Variants in ZBTB7C observed in about 807,000 individuals in gnomAD.
ZBTB7C encodes zinc finger and BTB domain containing 7C, also known as zinc finger and BTB domain-containing protein 7C.
A neutral mutation model predicts 25.7 loss-of-function variants in ZBTB7C; 8 were observed. The ratio of observed to expected loss-of-function variants is 0.31; its 90% CI spans 0.18 to 0.56. The LOEUF (loss-of-function observed/expected upper bound fraction) is 0.56. Among genes scored for constraint, ZBTB7C ranks in the 20% least tolerant of loss-of-function variants. ZBTB7C has a pLI of 0.91. For missense variants in ZBTB7C, 824 were observed against 855.2 expected, an observed-to-expected ratio of 0.96 and a Z score of 0.46; for synonymous variants, 394 against 369.0, an observed-to-expected ratio of 1.07 and a Z score of -0.78.
At chr18:48,361,366 G>A (rs2047101199) in intron 1 of ZBTB7C, among the ~76,000 whole-genome samples, 1 of 152,198 alleles carries the variant, frequency 6.6e-6, no homozygotes, top group Non-Finnish European at 1.5e-5. Context: ...AGAGAGGGTA[G>A]GTAGCAGCCC....
intron 1 of ZBTB7C, among the ~76,000 whole-genome samples, chr18:48,386,141 TCTGA>T (rs1051498678): frequency 5.9e-4 from 90 of 152,324 alleles, no homozygotes; most frequent in Admixed American, 8.5e-4. Context: ...TAGGCTGAAC[TCTGA>T]CTGTCAAAAA....
At chr18:48,166,522 A>G (rs8092444) in intron 3 of ZBTB7C, among the ~76,000 whole-genome samples, 100,750 of 152,052 alleles carry the variant, frequency 0.66, 33,657 homozygotes, top group Admixed American at 0.73. Context: ...TGGGAGTCCC[A>G]ACATGAGTGA....
intron 2 of ZBTB7C, among the ~76,000 whole-genome samples, chr18:48,199,155 T>C (rs2042380355): frequency 6.6e-6 from 1 of 152,212 alleles, no homozygotes; most frequent in Non-Finnish European, 1.5e-5. Context: ...GAAGGTTCTA[T>C]AACTCTTCTC....
At chr18:48,320,242 C>A (rs1232604488) in intron 2 of ZBTB7C, among the ~76,000 whole-genome samples, 2 of 152,146 alleles carry the variant, frequency 1.3e-5, no homozygotes, top group Non-Finnish European at 2.9e-5. Context: ...TGCGCTAGCA[C>A]AGGGGGTTCA....
intron 1 of ZBTB7C, among the ~76,000 whole-genome samples, chr18:48,364,618 T>C (rs908929631): frequency 6.6e-6 from 1 of 152,178 alleles, no homozygotes; most frequent in African/African-American, 2.4e-5. Flanking sequence ...GATGGGGCTT[T>C]TGCATTTTAA....
At chr18:48,150,286 A>C (rs1391790494) in intron 3 of ZBTB7C, 1 of 152,090 alleles carries the variant, frequency 6.6e-6, no homozygotes. Context: ...TTGGATTTCA[A>C]ATGCAGTAAG....
chr18:48,152,381 C>T (rs4940292), intron 3 of ZBTB7C, among the ~76,000 whole-genome samples: 66,678 of 151,732 alleles, frequency 0.44, 15,495 homozygotes, highest in African/African-American at 0.58. Flanking sequence ...ATAATTTGTT[C>T]GTTGTATGAA....
At chr18:48,257,324 T>C (rs780091418) in intron 2 of ZBTB7C, among the ~76,000 whole-genome samples, 2 of 152,022 alleles carry the variant, frequency 1.3e-5, no homozygotes, top group African/African-American at 2.4e-5. Flanking sequence ...ATATACCCAA[T>C]AACAGAGCTT....
chr18:48,085,821 TCCCTGCCTGGCCAGGGG>T (rs2038170762), intron 3 of ZBTB7C, among the ~76,000 whole-genome samples: 1 of 152,202 alleles, frequency 6.6e-6, no homozygotes, highest in South Asian at 2.1e-4. Context: ...CAGAGACCCC[TCCCTGCCTGGCCAGGGG>T]CCCTGCCTGG....
In ZBTB7C at chr18:48,026,944, G is replaced by A. The variant is rs920396441; in HGVS notation, c.*2316C>T. 6.6e-6 allele frequency: 1 copy of A among 151,688 alleles called. No homozygotes were observed. Among genetic ancestry groups the A allele is most frequent in the East Asian group, 1.9e-4 (1 of 5,174 alleles). 9.4% of individuals were successfully genotyped at this position (151,688 alleles called of 1,614,324 possible). ...AGAAAATTAGCTGAGAGTTTTTCTCGGCGGGATGTGGCGTGCGACCGAAGT... is the reference window on the plus strand; with the variant it reads ...AGAAAATTAGCTGAGAGTTTTTCTCAGCGGGATGTGGCGTGCGACCGAAGT... On this transcript the variant is annotated 3_prime_UTR_variant, in exon 5 of 5. Transcript: ENST00000590800.
At chr18:48,091,232 C>A (rs950271811) in intron 3 of ZBTB7C, among the ~76,000 whole-genome samples, 2 of 116,064 alleles carry the variant, frequency 1.7e-5, no homozygotes, top group Non-Finnish European at 3.8e-5. Context: ...CCACTATGCC[C>A]GGATAATTTT....
chr18:48,357,501 AGCGTC>A (rs2047003070), intron 1 of ZBTB7C, among the ~76,000 whole-genome samples: 1 of 152,230 alleles, frequency 6.6e-6, no homozygotes. Flanking sequence ...CTCAGCGCTC[AGCGTC>A]GTTTAGGTGC....
At chr18:48,084,828 G>A (rs2038132963) in intron 3 of ZBTB7C, among the ~76,000 whole-genome samples, 1 of 152,164 alleles carries the variant, frequency 6.6e-6, no homozygotes, top group South Asian at 2.1e-4. Flanking sequence ...TGCTTGTATG[G>A]GGTATGGTAT....
intron 4 of ZBTB7C, among the ~76,000 whole-genome samples, chr18:48,035,817 G>A (rs1306703173): frequency 6.6e-6 from 1 of 152,238 alleles, no homozygotes; most frequent in Non-Finnish European, 1.5e-5. Flanking sequence ...GACTTTCTGG[G>A]AAGAGAAGGG....
intron 1 of ZBTB7C, among the ~76,000 whole-genome samples, chr18:48,395,164 T>C (rs1403998319): frequency 1.3e-5 from 2 of 152,064 alleles, no homozygotes; most frequent in African/African-American, 4.8e-5. Flanking sequence ...ATTATAATAT[T>C]AGTGATAGTC....
At chr18:48,180,342 C>G in intron 3 of ZBTB7C, 1 of 456,582 alleles carries the variant, frequency 2.2e-6, no homozygotes, top group African/African-American at 2.0e-5. Flanking sequence ...GTTCATATTT[C>G]AGATGGAAAT....
chr18:48,282,078 T>C (rs1296279728), intron 2 of ZBTB7C, among the ~76,000 whole-genome samples: 1 of 149,646 alleles, frequency 6.7e-6, no homozygotes, highest in Non-Finnish European at 1.5e-5. Flanking sequence ...CCAACAATGA[T>C]AGATTGGATT....
intron 1 of ZBTB7C, among the ~76,000 whole-genome samples, chr18:48,393,645 G>A (rs915501186): frequency 6.6e-6 from 1 of 152,062 alleles, no homozygotes; most frequent in African/African-American, 2.4e-5. Context: ...ACACATGCAT[G>A]TATGTGCACA....
At chr18:48,382,306 T>C (rs1182758825) in intron 1 of ZBTB7C, among the ~76,000 whole-genome samples, 1 of 152,244 alleles carries the variant, frequency 6.6e-6, no homozygotes, top group East Asian at 1.9e-4. Context: ...CAGGGGATTA[T>C]TGTTTTTCAT....
Sources: gnomAD v4.1 joint callset for allele counts (sites outside exome capture counted in the v4.1 genomes callset) on GRCh38, gnomAD v4.1.1 for gene constraint, MANE v1.5 for transcripts, NCBI Gene and HGNC (gene_info 2026-07-23, HGNC 2026-07-21) for gene names.